Variants in IFT122 observed in about 807,000 individuals in gnomAD.
The protein encoded by IFT122 is intraflagellar transport 122.
A neutral mutation model predicts 161.6 loss-of-function variants in IFT122; 118 were observed. The observed-to-expected ratio is 0.73, with a 90% CI of 0.63 to 0.85. The LOEUF is 0.85. IFT122 is among the 40% of genes least tolerant of loss of function. IFT122 has a pLI of 0.00. For missense variants in IFT122, 1,381 were observed against 1,579.6 expected (o/e 0.87, Z 2.13); for synonymous variants, 550 against 602.4 (o/e 0.91, Z 1.27).
intron 3 of IFT122, among the ~76,000 whole-genome samples, chr3:129,454,244 G>A (rs767453364): frequency 8.5e-5 from 13 of 152,050 alleles, no homozygotes; most frequent in Non-Finnish European, 1.8e-4. Flanking sequence ...GGCCAGGCAC[G>A]GTGGCTCATG....
intron 3 of IFT122, among the ~76,000 whole-genome samples, chr3:129,457,358 C>T (rs183898405): frequency 1.3e-4 from 20 of 152,312 alleles, no homozygotes; most frequent in Admixed American, 1.0e-3. Flanking sequence ...AAGAGCAAGG[C>T]CTCTGCTGTG....
intron 18 of IFT122, 147 bp downstream of exon 18, chr3:129,495,754 G>A: frequency 1.0e-6 from 1 of 1,001,578 alleles, no homozygotes; most frequent in Non-Finnish European, 1.5e-6. Flanking sequence ...GTAAACAAAG[G>A]ACCCATCTAC....
intron 3 of IFT122, among the ~76,000 whole-genome samples, chr3:129,456,780 G>A (rs1206616701): frequency 1.3e-5 from 2 of 152,032 alleles, no homozygotes; most frequent in Non-Finnish European, 2.9e-5. Flanking sequence ...GCCAGGTGTG[G>A]TGGTGGGCAC....
chr3:129,481,817 C>A, intron 14 of IFT122, 123 bp downstream of exon 14: 1 of 993,280 alleles, frequency 1.0e-6, no homozygotes, highest in Non-Finnish European at 1.6e-6. Flanking sequence ...GGGCAGGGGC[C>A]AAGCACATGC....
chr3:129,500,440 A>G (rs1304561247), intron 19 of IFT122, among the ~76,000 whole-genome samples: 1 of 152,256 alleles, frequency 6.6e-6, no homozygotes, highest in Non-Finnish European at 1.5e-5. Flanking sequence ...TAAAGGGACA[A>G]GTTATTCCCA....
rs2084609199 is a variant in IFT122, at chr3:129,520,399, T to G, written c.*134T>G. 3 of 739,556 alleles carry G rather than the reference T, an allele frequency of 4.1e-6. No individual in the cohort carries two copies. The highest frequency in any genetic ancestry group is 7.1e-6 in the Non-Finnish European group (3 of 420,134). 45.8% of individuals were successfully genotyped at this position (739,556 alleles called of 1,614,324 possible). ...TTTGTGTTTTGTGGGGGGGGCCTTG[T>G]GTAACCACGGAATTCCTATTTATGG... On this transcript the variant is annotated 3_prime_UTR_variant, in exon 30 of 30. Coordinates refer to ENST00000348417, the MANE Select transcript of IFT122 (RefSeq NM_052989.3).
At chr3:129,519,270 T>A (rs1179984941) in intron 28 of IFT122, 84 bp downstream of exon 28, 4 of 1,275,208 alleles carry the variant, frequency 3.1e-6, no homozygotes, top group East Asian at 4.6e-5. Flanking sequence ...GCTAGCGCAG[T>A]GGTGGAGGAG....
chr3:129,484,012 G>A (rs2078976516), intron 15 of IFT122: 3 of 416,376 alleles, frequency 7.2e-6, no homozygotes, highest in South Asian at 4.1e-5. Flanking sequence ...AGCAAAGCCG[G>A]GAGTCCGGCA....
intron 2 of IFT122, among the ~76,000 whole-genome samples, chr3:129,450,917 TC>T (rs1256523666): frequency 1.3e-5 from 2 of 151,974 alleles, no homozygotes; most frequent in African/African-American, 2.4e-5. Flanking sequence ...AGACGGGGTT[TC>T]TCCGTGTTAG....
intron 18 of IFT122, among the ~76,000 whole-genome samples, chr3:129,497,797 T>C (rs2081059676): frequency 6.6e-6 from 1 of 151,908 alleles, no homozygotes; most frequent in Admixed American, 6.6e-5. Context: ...ATGTGGGGGG[T>C]GGGGGAGATC....
At chr3:129,494,528 T>C (rs937761722) in intron 17 of IFT122, among the ~76,000 whole-genome samples, 4 of 152,188 alleles carry the variant, frequency 2.6e-5, no homozygotes, top group African/African-American at 9.7e-5. Context: ...TTCAATGTCT[T>C]ATCGTCCTCC....
rs758730483 is a variant in IFT122 at position 129,514,269 on chromosome 3, C to T, written c.2988-120C>T. ...GCACAGAGCCTTCCTCACGGTCTTT[C>T]CTCTGCCTTCCCGGCACCAGCACAA... On this transcript the variant is annotated intron_variant, in intron 24 of 29. Coordinates refer to ENST00000348417, the MANE Select transcript of IFT122 (RefSeq NM_052989.3). The T allele has an allele frequency of 3.6e-6, 4 of 1,115,346 alleles. No individual in the cohort carries two copies. In the South Asian group the frequency reaches 5.3e-5, roughly 15 times the overall value. 69.1% of individuals were successfully genotyped at this position (1,115,346 alleles called of 1,614,324 possible).
chr3:129,466,808 G>A (rs2076847841), intron 7 of IFT122, 82 bp from the exon 8 acceptor site: 1 of 1,397,662 alleles, frequency 7.2e-7, no homozygotes, highest in Non-Finnish European at 1.0e-6. Context: ...TGGCCCCCAG[G>A]GGCTCCTTGC....
Position 129,502,930 on chromosome 3 carries a change from G to T in IFT122, c.2547+48G>T, listed in dbSNP as rs372162926. On this transcript the variant is annotated intron_variant, in intron 20 of 29. Coordinates refer to ENST00000348417, the MANE Select transcript of IFT122 (RefSeq NM_052989.3). ...GGGCTGGGGCCCCACCTGAGCCCTG[G>T]GACACAGGCGGGTGGGTACAGGGGC... The T allele has an allele frequency of 1.2e-4, 188 of 1,588,074 alleles. No homozygotes were observed. In the African/African-American group the frequency reaches 2.3e-3, roughly 19 times the overall value.
rs1395629049 is a variant in IFT122 at position 129,465,643 on chromosome 3, T to TG, written c.563+862_563+863insG. 1.1e-3 allele frequency among the ~76,000 whole-genome samples: 136 copies of TG among 128,438 alleles called. 2 individuals are homozygous for TG. The highest frequency in any genetic ancestry group is 2.6e-3 in the East Asian group (9 of 3,440). The allele number at this position is 128,438 out of a possible 152,430, so 84.3% of individuals were successfully genotyped here. A position where few individuals can be genotyped will look rare whatever the true frequency, so the allele number is the denominator to read the frequency against. On this transcript the variant is annotated intron_variant, in intron 7 of 29. Coordinates refer to ENST00000348417, the MANE Select transcript of IFT122 (RefSeq NM_052989.3). ...CTGCCACCACGCCTGGCTAATTTTTTTTTTTTTTTTGAGACGGAGTCTCGC... is the reference window on the plus strand; with the variant it reads ...CTGCCACCACGCCTGGCTAATTTTTTGTTTTTTTTTTGAGACGGAGTCTCGC...
At chr3:129,518,124 A>T (rs766988999) in intron 27 of IFT122, among the ~76,000 whole-genome samples, 28 of 152,312 alleles carry the variant, frequency 1.8e-4, no homozygotes, top group Middle Eastern at 6.8e-3. Flanking sequence ...GGGCAACTTC[A>T]TTCTTTGGCA....
intron 26 of IFT122, 134 bp from the exon 27 acceptor site, chr3:129,517,335 C>T (rs2084088936): frequency 1.9e-5 from 20 of 1,064,162 alleles, no homozygotes; most frequent in Non-Finnish European, 2.1e-5. Flanking sequence ...ACAGAGACTG[C>T]CCCTGCTGCC....
In IFT122 at chr3:129,506,518, G is replaced by A. The variant is rs374188891; in HGVS notation, c.2760G>A (p.Met920Ile). 399 of 1,614,122 alleles carry A rather than the reference G, an allele frequency of 2.5e-4. No homozygotes were observed. Among genetic ancestry groups the A allele is most frequent in the Admixed American group, 3.5e-4 (21 of 60,012 alleles). Residue 920 changes from methionine to isoleucine, a missense_variant, in exon 22 of 30, where the codon ATG becomes ATA. By Grantham distance (10) the Met-to-Ile change is conservative. Transcript: ENST00000348417. ...ATGATGCTGCCTATTATTACTGGAT[G>A]CTGTCCATGCAGTGCCTCGATATAG... ...RFNDAAYYYWMLSMQCLDIAQ... is the reference protein window; with the variant it reads ...RFNDAAYYYWILSMQCLDIAQ...
intron 11 of IFT122, among the ~76,000 whole-genome samples, chr3:129,477,031 T>C (rs2078035521): frequency 6.6e-6 from 1 of 151,724 alleles, no homozygotes; most frequent in Non-Finnish European, 1.5e-5. Flanking sequence ...CTGAAAAATG[T>C]ACCAACTCAG....
Sources: allele counts gnomAD v4.1 joint callset (sites outside exome capture counted in the v4.1 genomes callset), GRCh38; gene constraint gnomAD v4.1.1; transcripts MANE v1.5; gene names NCBI Gene and HGNC (gene_info 2026-07-23, HGNC 2026-07-21).